CDC27: variants seen among roughly 807,000 people sequenced by gnomAD.
CDC27 encodes the protein cell division cycle protein 27 homolog.
In CDC27, 27 loss-of-function variants were observed where a neutral mutation model predicts 109.7. The observed-to-expected ratio is 0.25, with a 90% CI of 0.18 to 0.34. CDC27 has a LOEUF of 0.34. Ranked by LOEUF, CDC27 falls within the 10% of genes least tolerant of loss-of-function variation. The pLI is 1.00. For missense variants in CDC27, 579 were observed against 960.2 expected (o/e 0.60, Z 5.25); for synonymous variants, 266 against 333.9 (o/e 0.80, Z 2.22).
chr17:47,151,177 C>T (rs2032026913), intron 9 of CDC27, among the ~76,000 whole-genome samples: 1 of 152,202 alleles, frequency 6.6e-6, no homozygotes. Flanking sequence ...CTCAGGCAAT[C>T]ACTGCAAGCT....
intron 3 of CDC27, 71 bp downstream of exon 3, chr17:47,171,846 T>C (rs2063820853): frequency 9.7e-7 from 1 of 1,033,070 alleles, no homozygotes; most frequent in Non-Finnish European, 1.4e-6. Flanking sequence ...GAGTTTAATC[T>C]GAAAGGAATT....
intron 15 of CDC27, among the ~76,000 whole-genome samples, chr17:47,130,158 G>A (rs1162682760): frequency 6.6e-6 from 1 of 152,064 alleles, no homozygotes; most frequent in Non-Finnish European, 1.5e-5. Context: ...TCAGGAGATC[G>A]AGACCATCCT....
intron 1 of CDC27, among the ~76,000 whole-genome samples, chr17:47,183,172 T>C (rs1272976653): frequency 1.3e-5 from 2 of 152,214 alleles, no homozygotes; most frequent in African/African-American, 4.8e-5. Flanking sequence ...CTGATCATGA[T>C]ACAAGCGTTA....
In CDC27 at chr17:47,165,573, G is replaced by C. The variant is rs139430554; in HGVS notation, c.377+4344C>G. Among the ~76,000 whole-genome samples the C allele has an allele frequency of 2.0e-5, 3 of 152,244 alleles. No homozygotes were observed. The East Asian group carries it at 5.8e-4, about 29-fold the overall frequency. On this transcript the variant is annotated intron_variant, in intron 4 of 18. Coordinates refer to ENST00000066544, the MANE Select transcript of CDC27 (RefSeq NM_001256.6). ...TCTTTATATAGTCTAGATACAATCTGTGTTGTTTATGGGATTTGCAAATAT... is the reference window on the plus strand; with the variant it reads ...TCTTTATATAGTCTAGATACAATCTCTGTTGTTTATGGGATTTGCAAATAT...
chr17:47,139,739 A>G (rs1248810370), intron 12 of CDC27: 1 of 152,112 alleles, frequency 6.6e-6, no homozygotes, highest in Non-Finnish European at 1.5e-5. Context: ...ATACACACCA[A>G]TATTGTGTCT....
At chr17:47,180,930 TAC>T (rs2064195700) in intron 2 of CDC27, among the ~76,000 whole-genome samples, 1 of 103,714 alleles carries the variant, frequency 9.6e-6, no homozygotes, top group Admixed American at 1.2e-4. Context: ...CACCATAGAA[TAC>T]AGACTCTTTT....
intron 8 of CDC27, among the ~76,000 whole-genome samples, chr17:47,152,662 T>C (rs887110608): frequency 6.6e-6 from 1 of 152,200 alleles, no homozygotes; most frequent in Non-Finnish European, 1.5e-5. Context: ...AAACTTACTG[T>C]TACCCTGATG....
intron 4 of CDC27, chr17:47,159,969 A>G (rs1598519677): frequency 3.6e-6 from 1 of 278,298 alleles, no homozygotes; most frequent in African/African-American, 2.4e-5. Flanking sequence ...CTGCGACCCC[A>G]GCCCTGGATG....
At position 47,129,427 on chromosome 17, in the gene CDC27, C is replaced by T. The variant is rs1442268775; in HGVS notation, c.2126G>A (p.Arg709Lys). 1 of 1,612,178 alleles carries T rather than the reference C, an allele frequency of 6.2e-7. No individual in the cohort carries two copies. Among genetic ancestry groups the T allele is most frequent in the Admixed American group, 1.7e-5 (1 of 59,968 alleles). ...DPKNPLCKFH[R>K]ASVLFANEKY... ...TTCATTTGCAAATAAAACTGAGGCT[C>T]TGTGAAATTTGCATAGAGGGTTCTT... The change falls in exon 16 of 19, where the codon AGA (arginine) becomes AAA (lysine). Residue 709 changes from arginine (R) to lysine (K), a missense_variant. Coordinates refer to ENST00000066544, the MANE Select transcript of CDC27 (RefSeq NM_001256.6).
rs1176633786 is a variant in CDC27, at chr17:47,120,900, C to T, written c.*35G>A. The T allele has an allele frequency of 6.8e-7, 1 of 1,470,712 alleles. No homozygotes were observed. The highest frequency in any genetic ancestry group is 9.5e-7 in the Non-Finnish European group (1 of 1,052,188). The allele number at this position is 1,470,712 out of a possible 1,614,324, so 91.1% of individuals were successfully genotyped here. A position where few individuals can be genotyped will look rare whatever the true frequency, so the allele number is the denominator to read the frequency against. ...GGACAAGAAACACGTCAGCACTAGTCACACATCCAGTTGTAAAAGTCTGAT... is the reference window on the plus strand; with the variant it reads ...GGACAAGAAACACGTCAGCACTAGTTACACATCCAGTTGTAAAAGTCTGAT... On this transcript the variant is annotated 3_prime_UTR_variant, in exon 19 of 19. Coordinates refer to ENST00000066544, the MANE Select transcript of CDC27 (RefSeq NM_001256.6).
Position 47,157,392 on chromosome 17 carries a change from GAC to G in CDC27, c.476-10_476-9del. The G allele has an allele frequency of 7.1e-7, 1 of 1,417,304 alleles. No homozygotes were observed. The highest frequency in any genetic ancestry group is 9.3e-7 in the Non-Finnish European group (1 of 1,075,024). The allele number at this position is 1,417,304 out of a possible 1,614,324, so 87.8% of individuals were successfully genotyped here. A position where few individuals can be genotyped will look rare whatever the true frequency, so the allele number is the denominator to read the frequency against. On this transcript the variant is annotated splice_polypyrimidine_tract_variant and intron_variant, in intron 5 of 18. Transcript: ENST00000066544. ...CAGGATCTGGCTTTTCACCTGTGAAGACAAAAAAAAAAAAAGTTTGTCTCTGA... is the reference window on the plus strand; with the variant it reads ...CAGGATCTGGCTTTTCACCTGTGAAGAAAAAAAAAAAAAGTTTGTCTCTGA...
At chr17:47,173,957 G>A (rs949215640) in intron 2 of CDC27, among the ~76,000 whole-genome samples, 9 of 152,220 alleles carry the variant, frequency 5.9e-5, no homozygotes, top group African/African-American at 1.9e-4. Flanking sequence ...AGCCAGGCGC[G>A]GTGGCGCAAG....
chr17:47,175,888 A>C lies in CDC27; in HGVS notation c.104-3824T>G, dbSNP rs138754636. On this transcript the variant is annotated intron_variant, in intron 2 of 18. Coordinates refer to ENST00000066544, the MANE Select transcript of CDC27 (RefSeq NM_001256.6). ...CAACTATAAGTAGTATGACATGTGG[A>C]TTAAAGTACCGACTCTGAAGCTAGA... 5.9e-5 allele frequency among the ~76,000 whole-genome samples: 9 copies of C among 152,312 alleles called. No individual in the cohort carries two copies. The East Asian group carries it at 1.7e-3, about 29-fold the overall frequency.
At chr17:47,124,247 G>C (rs2062065237) in intron 16 of CDC27, among the ~76,000 whole-genome samples, 1 of 86,146 alleles carries the variant, frequency 1.2e-5, no homozygotes, top group African/African-American at 3.7e-5. Context: ...AACAATCCTT[G>C]CTTTTGGTCA....
intron 7 of CDC27, among the ~76,000 whole-genome samples, chr17:47,155,168 A>G (rs527631273): frequency 1.0e-3 from 156 of 152,340 alleles, no homozygotes; most frequent in Non-Finnish European, 1.7e-3. Context: ...ATAACTCTCC[A>G]GAGTTGTAAT....
At chr17:47,168,110 C>T (rs903455836) in intron 4 of CDC27, among the ~76,000 whole-genome samples, 1 of 152,164 alleles carries the variant, frequency 6.6e-6, no homozygotes, top group Non-Finnish European at 1.5e-5. Context: ...GAACCCTGTC[C>T]TTTTGAGTTT....
Position 47,118,414 on chromosome 17 carries a change from G to C in CDC27, c.*2521C>G, listed in dbSNP as rs1213034634. The C allele has an allele frequency of 6.5e-6, 1 of 152,708 alleles. No homozygotes were observed. Among genetic ancestry groups the C allele is most frequent in the Non-Finnish European group, 1.5e-5 (1 of 68,082 alleles). 9.5% of individuals were successfully genotyped at this position (152,708 alleles called of 1,614,324 possible). A position where few individuals can be genotyped will look rare whatever the true frequency, so the allele number is the denominator to read the frequency against. Reference sequence around the variant, plus strand: ...TATTCTAACCTTCTAAAATCCCAGAGTTAAGAACCATTTCCAAGGGGAAAA... The same window carrying C: ...TATTCTAACCTTCTAAAATCCCAGACTTAAGAACCATTTCCAAGGGGAAAA... On this transcript the variant is annotated 3_prime_UTR_variant, in exon 19 of 19. Coordinates refer to ENST00000066544, the MANE Select transcript of CDC27 (RefSeq NM_001256.6).
intron 12 of CDC27, among the ~76,000 whole-genome samples, chr17:47,140,618 A>G (rs1030700218): frequency 1.3e-5 from 2 of 152,258 alleles, no homozygotes; most frequent in African/African-American, 4.8e-5. Flanking sequence ...CACCACTATA[A>G]CTAGGGGAAA....
intron 18 of CDC27, 82 bp from the exon 19 acceptor site, chr17:47,121,099 G>C: frequency 1.1e-6 from 1 of 879,586 alleles, no homozygotes. Flanking sequence ...AAGAAAAATT[G>C]TATTATATTC....
Sources: allele counts gnomAD v4.1 joint callset (sites outside exome capture counted in the v4.1 genomes callset), GRCh38; gene constraint gnomAD v4.1.1; transcripts MANE v1.5; gene names NCBI Gene and HGNC (gene_info 2026-07-23, HGNC 2026-07-21).